MAP3K7CL: variants seen among roughly 807,000 people sequenced by gnomAD.
MAP3K7CL encodes MAP3K7 C-terminal-like protein.
In MAP3K7CL, 16 loss-of-function variants were observed where a neutral mutation model predicts 18.6. The observed-to-expected ratio is 0.86, with a 90% CI of 0.58 to 1.31. The LOEUF (loss-of-function observed/expected upper bound fraction) is 1.31. Ranked by LOEUF, MAP3K7CL falls within the 50% of genes most tolerant of loss-of-function variation. The pLI is 0.00. For missense variants in MAP3K7CL, 163 were observed against 174.4 expected, an observed-to-expected ratio of 0.93 and a Z score of 0.37; for synonymous variants, 65 against 66.8, an observed-to-expected ratio of 0.97 and a Z score of 0.13.
At chr21:29,079,720 T>G (rs545175828) in intron 1 of MAP3K7CL, among the ~76,000 whole-genome samples, 1 of 152,304 alleles carries the variant, frequency 6.6e-6, no homozygotes, top group African/African-American at 2.4e-5. Context: ...TGTTCCAAAG[T>G]GGGCTCTGTG....
At chr21:29,158,082 G>A (rs2087451385) in intron 3 of MAP3K7CL, among the ~76,000 whole-genome samples, 1 of 123,010 alleles carries the variant, frequency 8.1e-6, no homozygotes, top group East Asian at 3.0e-4. Flanking sequence ...GAGTCTTAGG[G>A]CCTTCCAGGA....
chr21:29,173,521 T>G (rs1487061858), intron 4 of MAP3K7CL, among the ~76,000 whole-genome samples: 1 of 152,230 alleles, frequency 6.6e-6, no homozygotes, highest in African/African-American at 2.4e-5. Flanking sequence ...ACTATGTATC[T>G]GAAGGTCATT....
chr21:29,167,230 A>C (rs145638379), intron 4 of MAP3K7CL, among the ~76,000 whole-genome samples: 1 of 152,250 alleles, frequency 6.6e-6, no homozygotes, highest in East Asian at 1.9e-4. Flanking sequence ...TCTTTTGCCC[A>C]TTTTTTAATT....
chr21:29,088,110 G>A (rs987467763), intron 1 of MAP3K7CL, among the ~76,000 whole-genome samples: 11 of 152,172 alleles, frequency 7.2e-5, no homozygotes, highest in Admixed American at 6.5e-4. Context: ...CAAAGTGTAT[G>A]TCTCTGCACT....
At chr21:29,123,386 C>A (rs62222406) in intron 4 of MAP3K7CL, among the ~76,000 whole-genome samples, 1 of 152,036 alleles carries the variant, frequency 6.6e-6, no homozygotes, top group South Asian at 2.1e-4. Flanking sequence ...AAATGTTATT[C>A]GCTGTCTATG....
intron 4 of MAP3K7CL, among the ~76,000 whole-genome samples, chr21:29,172,757 AC>A (rs1194199715): frequency 6.6e-6 from 1 of 151,950 alleles, no homozygotes; most frequent in Non-Finnish European, 1.5e-5. Context: ...ATGTTTGGAG[AC>A]CTAATTGAAT....
At chr21:29,134,174 ACT>A (rs34368831) in intron 2 of MAP3K7CL, among the ~76,000 whole-genome samples, 12 of 150,514 alleles carry the variant, frequency 8.0e-5, no homozygotes, top group East Asian at 3.9e-4. Flanking sequence ...TCTTTTGAGG[ACT>A]CTCTCTCTCT....
intron 4 of MAP3K7CL, chr21:29,092,697 A>C: frequency 8.4e-7 from 1 of 1,191,504 alleles, no homozygotes; most frequent in South Asian, 1.4e-5. Context: ...TCTGGGTCAG[A>C]GCAGGACAAT....
upstream of MAP3K7CL, among the ~76,000 whole-genome samples, chr21:29,081,512 C>T (rs2085834719): frequency 2.6e-5 from 4 of 152,262 alleles, no homozygotes; most frequent in South Asian, 8.3e-4. Flanking sequence ...GAGATCGCGC[C>T]ACTGCGCTCC....
At chr21:29,094,333 A>T (rs1180120197) in intron 4 of MAP3K7CL, among the ~76,000 whole-genome samples, 1 of 152,252 alleles carries the variant, frequency 6.6e-6, no homozygotes, top group Non-Finnish European at 1.5e-5. Flanking sequence ...AAATGTTAGC[A>T]TCTGTCAGAG....
chr21:29,151,915 T>C (rs1326736812), intron 3 of MAP3K7CL, among the ~76,000 whole-genome samples: 4 of 152,268 alleles, frequency 2.6e-5, no homozygotes, highest in Non-Finnish European at 4.4e-5. Context: ...TTTATTCCAA[T>C]GAAACTATTT....
intron 4 of MAP3K7CL, among the ~76,000 whole-genome samples, chr21:29,168,494 G>A (rs891786722): frequency 6.6e-6 from 1 of 152,128 alleles, no homozygotes; most frequent in South Asian, 2.1e-4. Flanking sequence ...TTTCATTTTA[G>A]TACTTAGGTT....
At chr21:29,108,979 A>G in intron 4 of MAP3K7CL, 1 of 1,375,952 alleles carries the variant, frequency 7.3e-7, no homozygotes, top group South Asian at 1.4e-5. Flanking sequence ...CTTGAATCTG[A>G]ATTCAATGTC....
chr21:29,151,404 C>A (rs2087271611), intron 3 of MAP3K7CL, among the ~76,000 whole-genome samples: 1 of 151,964 alleles, frequency 6.6e-6, no homozygotes, highest in South Asian at 2.1e-4. Context: ...TTGCAGTGAG[C>A]CCAAGGTTGC....
intron 2 of MAP3K7CL, among the ~76,000 whole-genome samples, chr21:29,139,603 G>C (rs75988619): frequency 1.4e-5 from 2 of 148,074 alleles, no homozygotes; most frequent in Non-Finnish European, 3.0e-5. Flanking sequence ...TTTTTTTTTT[G>C]AGACGGAGTC....
chr21:29,158,699 C>G (rs1451979456), intron 3 of MAP3K7CL, among the ~76,000 whole-genome samples: 1 of 151,996 alleles, frequency 6.6e-6, no homozygotes, highest in Non-Finnish European at 1.5e-5. Context: ...GTAAAAAATT[C>G]ATTAGTTCTC....
At chr21:29,149,411 A>G (rs910593497) in intron 3 of MAP3K7CL, among the ~76,000 whole-genome samples, 161 bp downstream of exon 3, 1 of 152,186 alleles carries the variant, frequency 6.6e-6, no homozygotes, top group African/African-American at 2.4e-5. Flanking sequence ...AGTCAGGCTG[A>G]AGCCCTCATG....
upstream of MAP3K7CL, among the ~76,000 whole-genome samples, chr21:29,081,895 C>T (rs1269362295): frequency 3.3e-5 from 5 of 152,262 alleles, no homozygotes; most frequent in Non-Finnish European, 7.4e-5. Flanking sequence ...GATCTTTACT[C>T]AATATTTGAT....
intron 4 of MAP3K7CL, among the ~76,000 whole-genome samples, chr21:29,163,381 C>G (rs549899204): frequency 7.4e-4 from 113 of 152,268 alleles, no homozygotes; most frequent in African/African-American, 2.7e-3. Context: ...TTCGTAAAGT[C>G]TCAAGTTCCT....
Sources: allele counts gnomAD v4.1 joint callset (sites outside exome capture counted in the v4.1 genomes callset), GRCh38; gene constraint gnomAD v4.1.1; transcripts MANE v1.5; gene names NCBI Gene and HGNC (gene_info 2026-07-23, HGNC 2026-07-21).